CEP55: variants seen among roughly 807,000 people sequenced by gnomAD.
CEP55 encodes centrosomal protein 55.
A neutral mutation model predicts 63.2 loss-of-function variants in CEP55; 57 were observed. The ratio of observed to expected loss-of-function variants is 0.90; its 90% CI spans 0.73 to 1.13. The LOEUF is 1.13. CEP55 is among the 50% of genes most tolerant of loss of function. The pLI, the probability that CEP55 is intolerant of heterozygous loss-of-function variation, is 0.00. For synonymous variants in CEP55, 178 were observed against 191.6 expected (o/e 0.93, Z 0.59); for missense variants, 456 against 518.9 (o/e 0.88, Z 1.18).
At chr10:93,520,676 C>T (rs1589657837) in intron 8 of CEP55, among the ~76,000 whole-genome samples, 1 of 151,342 alleles carries the variant, frequency 6.6e-6, no homozygotes, top group Admixed American at 6.6e-5. Context: ...TATGTCTGTC[C>T]CACTAGTACA....
rs1294589412 is a variant in CEP55 at position 93,517,159 on chromosome 10, G to A, written c.904G>A (p.Glu302Lys). 6.2e-7 allele frequency: 1 copy of A among 1,613,876 alleles called. No homozygotes were observed. The highest frequency in any genetic ancestry group is 1.3e-5 in the African/African-American group (1 of 75,048). ...TCTGGAAGATGATAGGCATAAAACA[G>A]AGAAGATACAAAAACTCAGGGAAGA... ...QHLEDDRHKT[E>K]KIQKLREEND... Residue 302 changes from glutamate (E) to lysine (K), a missense_variant, in exon 6 of 9, where the codon GAG (glutamate) becomes AAG (lysine). Physicochemically the swap from Glu to Lys is moderately conservative, Grantham distance 56. Transcript: ENST00000371485.
At chr10:93,499,546 G>C (rs891393397) in intron 1 of CEP55, among the ~76,000 whole-genome samples, 1 of 143,940 alleles carries the variant, frequency 6.9e-6, no homozygotes, top group South Asian at 2.2e-4. Flanking sequence ...TTTTGAGACG[G>C]AGTCTTGCTG....
chr10:93,504,436 G>C (rs1301021211), intron 3 of CEP55, among the ~76,000 whole-genome samples: 5 of 151,150 alleles, frequency 3.3e-5, no homozygotes, highest in Non-Finnish European at 5.9e-5. Flanking sequence ...TTGCGCCACT[G>C]TACTCCGGCC....
At chr10:93,520,467 A>T (rs1490314587) in intron 8 of CEP55, among the ~76,000 whole-genome samples, 1 of 151,136 alleles carries the variant, frequency 6.6e-6, no homozygotes, top group Non-Finnish European at 1.5e-5. Context: ...TGCTGTTTTT[A>T]GGGATAATGG....
At chr10:93,512,071 A>C (rs1327248366) in intron 4 of CEP55, among the ~76,000 whole-genome samples, 1 of 151,648 alleles carries the variant, frequency 6.6e-6, no homozygotes, top group African/African-American at 2.4e-5. Flanking sequence ...TCTAATAAAA[A>C]TACAAAAAAG....
chr10:93,510,021 C>T lies in CEP55; in HGVS notation c.528+2965C>T, dbSNP rs556574760. Among the ~76,000 whole-genome samples the T allele has an allele frequency of 9.9e-5, 15 of 152,272 alleles. No individual in the cohort carries two copies. The East Asian group carries it at 2.3e-3, about 24-fold the overall frequency. ...GAAACTTCCTGTAGAAGCTTACCCA[C>T]GTATTTTCAGAATTAGTATTTGTTA... On this transcript the variant is annotated intron_variant, in intron 4 of 8. Transcript: ENST00000371485.
rs760403378 is a variant in CEP55, at chr10:93,518,900, G to C, written c.1017G>C (p.Leu339=). 7.4e-6 allele frequency: 12 copies of C among 1,612,200 alleles called. No homozygotes were observed. The Admixed American group carries it at 1.0e-4, about 13-fold the overall frequency. Residue 339 remains leucine (L), a synonymous_variant, in exon 7 of 9, where the codon CTG becomes CTC. Coordinates refer to ENST00000371485, the MANE Select transcript of CEP55 (RefSeq NM_018131.5). ...LSQVQFLYTS[L]LKQQEEQTRV... ...AGGTCCAGTTTCTTTACACATCTCT[G>C]CTAAAGCAGCAAGAAGAACAAACAA...
chr10:93,518,052 T>G (rs1227991792), intron 6 of CEP55, among the ~76,000 whole-genome samples: 2 of 152,254 alleles, frequency 1.3e-5, no homozygotes, highest in African/African-American at 4.8e-5. Flanking sequence ...TTATTGCTAC[T>G]ATTTTAATAA....
At chr10:93,509,501 T>TA (rs1564763567) in intron 4 of CEP55, among the ~76,000 whole-genome samples, 3 of 135,092 alleles carry the variant, frequency 2.2e-5, no homozygotes, top group Non-Finnish European at 4.8e-5. Flanking sequence ...TTATTATTAT[T>TA]TTGAGATGGA....
chr10:93,512,168 A>G (rs2057758048), intron 4 of CEP55, among the ~76,000 whole-genome samples: 1 of 144,754 alleles, frequency 6.9e-6, no homozygotes, highest in African/African-American at 2.6e-5. Flanking sequence ...CAGAGTTTCC[A>G]GTGAGCTGAA....
At chr10:93,517,892 G>A (rs2057820796) in intron 6 of CEP55, among the ~76,000 whole-genome samples, 1 of 152,172 alleles carries the variant, frequency 6.6e-6, no homozygotes, top group African/African-American at 2.4e-5. Flanking sequence ...AGGATATATG[G>A]CCTTAGGCAA....
chr10:93,524,811 G>A (rs1286553394), intron 8 of CEP55, among the ~76,000 whole-genome samples: 4 of 152,120 alleles, frequency 2.6e-5, no homozygotes, highest in African/African-American at 9.7e-5. Flanking sequence ...ACGTAATCCA[G>A]CATATAAACA....
chr10:93,510,667 G>A (rs2057737140), intron 4 of CEP55: 1 of 152,150 alleles, frequency 6.6e-6, no homozygotes, highest in Non-Finnish European at 1.5e-5. Context: ...GTTCAGGGTG[G>A]TATGGCCGTA....
At chr10:93,515,591 G>A in intron 5 of CEP55, 36 bp downstream of exon 5, 7 of 1,504,634 alleles carry the variant, frequency 4.7e-6, no homozygotes, top group Non-Finnish European at 5.4e-6. Flanking sequence ...CTAGGGATAG[G>A]CCTGACATTT....
intron 4 of CEP55, among the ~76,000 whole-genome samples, chr10:93,511,031 CT>C (rs899197810): frequency 2.7e-4 from 41 of 151,772 alleles, no homozygotes; most frequent in African/African-American, 9.7e-4. Flanking sequence ...CTCTGCCTCC[CT>C]GGTTCAAGCG....
At chr10:93,499,503 A>G (rs2057608695) in intron 1 of CEP55, among the ~76,000 whole-genome samples, 2 of 151,090 alleles carry the variant, frequency 1.3e-5, no homozygotes, top group African/African-American at 4.9e-5. Context: ...CACAAAACAT[A>G]AATGTACAAG....
intron 5 of CEP55, 91 bp downstream of exon 5, chr10:93,515,646 G>A (rs1043578036): frequency 8.4e-6 from 11 of 1,302,854 alleles, no homozygotes; most frequent in Non-Finnish European, 1.0e-5. Context: ...ATAGATATGT[G>A]TTAGAAAGTA....
chr10:93,497,640 G>T (rs2057586090), intron 1 of CEP55, among the ~76,000 whole-genome samples: 1 of 150,522 alleles, frequency 6.6e-6, no homozygotes, highest in Admixed American at 6.7e-5. Context: ...AAATCAAAGT[G>T]CAGTCCTTGA....
chr10:93,502,018 C>G (rs2134456778), intron 2 of CEP55, among the ~76,000 whole-genome samples: 1 of 152,316 alleles, frequency 6.6e-6, no homozygotes, highest in East Asian at 1.9e-4. Context: ...CAGAACAAGT[C>G]TTATTTTTCC....
Sources: allele counts gnomAD v4.1 joint callset (sites outside exome capture counted in the v4.1 genomes callset), GRCh38; gene constraint gnomAD v4.1.1; transcripts MANE v1.5; gene names NCBI Gene and HGNC (gene_info 2026-07-23, HGNC 2026-07-21).